TENM2: variants seen among roughly 807,000 people sequenced by gnomAD.
The protein encoded by TENM2 is teneurin transmembrane protein 2.
TENM2 carries 52 observed loss-of-function variants against 245.2 expected under a neutral mutation model. The ratio of observed to expected loss-of-function variants is 0.21; its 90% CI spans 0.17 to 0.27. TENM2 has a LOEUF of 0.27. TENM2 is among the 10% of genes least tolerant of loss of function. TENM2 has a pLI of 1.00. For missense variants in TENM2, 3,046 were observed against 3,666.8 expected, an observed-to-expected ratio of 0.83 and a Z score of 4.37; for synonymous variants, 1,363 against 1,438.9, an observed-to-expected ratio of 0.95 and a Z score of 1.19.
intron 2 of TENM2, among the ~76,000 whole-genome samples, chr5:167,492,197 A>G (rs1299804401): frequency 1.3e-5 from 2 of 152,080 alleles, no homozygotes; most frequent in African/African-American, 4.8e-5. Flanking sequence ...GTTTTTATAG[A>G]GGTACTTCTT....
At chr5:168,078,063 A>G (rs889712766) in intron 7 of TENM2, among the ~76,000 whole-genome samples, 3 of 152,094 alleles carry the variant, frequency 2.0e-5, no homozygotes, top group African/African-American at 4.8e-5. Flanking sequence ...AAATGTTCCT[A>G]TTTCTCCACA....
At chr5:168,055,779 C>G (rs140866591) in intron 6 of TENM2, among the ~76,000 whole-genome samples, 1 of 152,254 alleles carries the variant, frequency 6.6e-6, no homozygotes, top group East Asian at 1.9e-4. Flanking sequence ...GTACAACATG[C>G]AGAAGCACCC....
intron 2 of TENM2, among the ~76,000 whole-genome samples, chr5:167,841,327 G>A (rs2151153343): frequency 1.3e-5 from 2 of 152,276 alleles, no homozygotes; most frequent in Admixed American, 1.3e-4. Context: ...AAAGTATTGG[G>A]ATTACAGGCA....
At chr5:167,350,619 A>G (rs1229468774) in intron 1 of TENM2, among the ~76,000 whole-genome samples, 2 of 143,318 alleles carry the variant, frequency 1.4e-5, no homozygotes, top group South Asian at 2.2e-4. Flanking sequence ...TATGGGATAC[A>G]TATGTGGATA....
the TENM2 span, among the ~76,000 whole-genome samples, chr5:167,221,689 C>CT: frequency 2.0e-5 from 3 of 152,188 alleles, no homozygotes; most frequent in Non-Finnish European, 2.9e-5. Flanking sequence ...TAGTAAAACA[C>CT]TAACTTTGCA....
At chr5:167,001,789 G>A in the TENM2 span, among the ~76,000 whole-genome samples, 3 of 152,012 alleles carry the variant, frequency 2.0e-5, no homozygotes, top group African/African-American at 4.8e-5. Context: ...CATGGTACAA[G>A]CTTGTTGGTA....
chr5:167,391,947 C>T (rs1218965468), intron 2 of TENM2, among the ~76,000 whole-genome samples: 3 of 152,062 alleles, frequency 2.0e-5, no homozygotes, highest in African/African-American at 7.2e-5. Context: ...GAGCCAGGAG[C>T]AAACTCTGAG....
chr5:167,833,492 C>G (rs1269671573), intron 2 of TENM2, among the ~76,000 whole-genome samples: 3 of 152,140 alleles, frequency 2.0e-5, no homozygotes, highest in Non-Finnish European at 4.4e-5. Context: ...AAGTCAGATC[C>G]CATCTGATGA....
At chr5:168,206,348 G>A (rs1470543108) in intron 19 of TENM2, among the ~76,000 whole-genome samples, 1 of 152,224 alleles carries the variant, frequency 6.6e-6, no homozygotes, top group Non-Finnish European at 1.5e-5. Flanking sequence ...GATCCAGTGG[G>A]CATTTATTGA....
intron 2 of TENM2, among the ~76,000 whole-genome samples, chr5:167,468,514 A>G (rs1766811639): frequency 6.6e-6 from 1 of 152,200 alleles, no homozygotes. Context: ...ATTTACATAT[A>G]TTTTTGATAG....
chr5:168,093,969 A>T (rs1220955891), intron 8 of TENM2, among the ~76,000 whole-genome samples: 1 of 151,922 alleles, frequency 6.6e-6, no homozygotes, highest in Non-Finnish European at 1.5e-5. Context: ...GGATTCTCCT[A>T]CCCTCCCACA....
intron 2 of TENM2, among the ~76,000 whole-genome samples, chr5:167,629,425 T>C (rs1037158376): frequency 2.6e-5 from 4 of 152,214 alleles, no homozygotes; most frequent in African/African-American, 9.6e-5. Context: ...TTAATACTTA[T>C]TTATTATGTC....
At chr5:168,230,145 T>C (rs1031526699) in intron 25 of TENM2, among the ~76,000 whole-genome samples, 2 of 152,322 alleles carry the variant, frequency 1.3e-5, no homozygotes, top group South Asian at 2.1e-4. Context: ...GTCTTATAAC[T>C]GAATTTCTGC....
chr5:167,302,806 C>T (rs191712193), intron 1 of TENM2, among the ~76,000 whole-genome samples: 18 of 152,148 alleles, frequency 1.2e-4, no homozygotes, highest in African/African-American at 3.1e-4. Flanking sequence ...CCCAGAAAAG[C>T]GGGACTTGCC....
intron 25 of TENM2, among the ~76,000 whole-genome samples, chr5:168,238,176 AGAGAGAGAGGGAGGGAGG>A (rs1765686365): frequency 2.6e-5 from 2 of 78,038 alleles, no homozygotes; most frequent in South Asian, 6.7e-4. Flanking sequence ...AGAGAGAGAG[AGAGAGAGAGGGAGGGAGG>A]GAGGGAGGGA....
chr5:167,089,456 G>A, the TENM2 span, among the ~76,000 whole-genome samples: 8 of 152,154 alleles, frequency 5.3e-5, no homozygotes, highest in African/African-American at 1.9e-4. Flanking sequence ...AATTAAAACA[G>A]GGTGAGAAAG....
intron 2 of TENM2, among the ~76,000 whole-genome samples, chr5:167,817,727 A>T (rs992087468): frequency 2.0e-5 from 3 of 152,212 alleles, no homozygotes; most frequent in Non-Finnish European, 4.4e-5. Flanking sequence ...TTGAACTGAA[A>T]CCAATTTGTC....
chr5:167,021,059 G>A, the TENM2 span, among the ~76,000 whole-genome samples: 1 of 152,192 alleles, frequency 6.6e-6, no homozygotes, highest in Non-Finnish European at 1.5e-5. Flanking sequence ...CACAAGAATT[G>A]CTTCAACCCA....
chr5:166,986,045 C>G, the TENM2 span, among the ~76,000 whole-genome samples: 3 of 152,152 alleles, frequency 2.0e-5, no homozygotes, highest in Non-Finnish European at 4.4e-5. Context: ...TCACCAAGTA[C>G]ATCCCTCAGC....
Sources: allele counts gnomAD v4.1 joint callset (sites outside exome capture counted in the v4.1 genomes callset), GRCh38; gene constraint gnomAD v4.1.1; transcripts MANE v1.5; gene names NCBI Gene and HGNC (gene_info 2026-07-23, HGNC 2026-07-21).